The following P4HA1 variants were observed in gnomAD, a reference collection of about 807,000 sequenced individuals.
P4HA1 encodes the protein prolyl 4-hydroxylase subunit alpha 1.
Under a neutral mutation model 72.8 loss-of-function variants are expected in P4HA1, and 24 were observed. The ratio of observed to expected loss-of-function variants is 0.33; its 90% CI spans 0.24 to 0.46. The LOEUF is 0.46. Among genes scored for constraint, P4HA1 ranks in the 20% least tolerant of loss-of-function variants. The probability of loss-of-function intolerance (pLI) is 1.00; values close to 1 mark genes in which losing one functional copy is unlikely to be tolerated. For synonymous variants in P4HA1, 201 were observed against 218.8 expected (o/e 0.92, Z 0.72); for missense variants, 446 against 640.6 (o/e 0.70, Z 3.28).
At chr10:73,024,149 A>G (rs1035207805) in intron 10 of P4HA1, among the ~76,000 whole-genome samples, 2 of 152,192 alleles carry the variant, frequency 1.3e-5, no homozygotes, top group African/African-American at 2.4e-5. Flanking sequence ...TATAATAGAC[A>G]TCTACAGAAC....
In P4HA1 at chr10:73,070,731, T is replaced by C. The variant is rs777129246; in HGVS notation, c.325+1298A>G. Among the ~76,000 whole-genome samples, 6 of 152,192 alleles carry C rather than the reference T, an allele frequency of 3.9e-5. No individual in the cohort carries two copies. In the South Asian group the frequency reaches 1.0e-3, roughly 26 times the overall value. ...TTATAGAAGGCTATAATATCTCTTA[T>C]GCTACAAACAAAATTCTAAGAAAAA... On this transcript the variant is annotated intron_variant, in intron 4 of 14. Coordinates refer to ENST00000394890, the MANE Select transcript of P4HA1 (RefSeq NM_001017962.3).
In P4HA1 at chr10:73,069,168, A is replaced by G. The variant is rs181576610; in HGVS notation, c.326-185T>C. The stretch of plus-strand genomic sequence containing the variant: ...ACTTGGCATACTTCTAACTTGTTCA[A>G]TCTTCCAAAAGCCTAGTGTTGCTTA... On this transcript the variant is annotated intron_variant, in intron 4 of 14. Transcript: ENST00000394890. Among the ~76,000 whole-genome samples, 16 of 152,336 alleles carry G rather than the reference A, an allele frequency of 1.1e-4. No individual in the cohort carries two copies. The East Asian group carries it at 2.9e-3, about 28-fold the overall frequency.
At chr10:73,070,221 A>G (rs968321160) in intron 4 of P4HA1, among the ~76,000 whole-genome samples, 5 of 127,170 alleles carry the variant, frequency 3.9e-5, no homozygotes, top group African/African-American at 1.2e-4. Flanking sequence ...GCAGCAGTGC[A>G]ATCTTGGCTC....
At chr10:73,068,750 T>C in intron 5 of P4HA1, 96 bp downstream of exon 5, 1 of 1,031,212 alleles carries the variant, frequency 9.7e-7, no homozygotes, top group Non-Finnish European at 1.5e-6. Context: ...ATTTAAAATC[T>C]TAAAATGCAA....
At chr10:73,022,357 C>G (rs544508725) in intron 10 of P4HA1, among the ~76,000 whole-genome samples, 4 of 152,158 alleles carry the variant, frequency 2.6e-5, no homozygotes, top group Admixed American at 6.5e-5. Context: ...AGGCAAACAG[C>G]GTCTGGAATG....
At chr10:73,053,640 AT>A in intron 5 of P4HA1, 50 bp from the exon 6 acceptor site, 1 of 1,503,462 alleles carries the variant, frequency 6.7e-7, no homozygotes, top group Non-Finnish European at 9.0e-7. Context: ...ACTACTGTGT[AT>A]TTATTTAGGA....
chr10:73,019,681 G>A (rs1023082101), intron 10 of P4HA1, among the ~76,000 whole-genome samples: 3 of 120,670 alleles, frequency 2.5e-5, no homozygotes, highest in African/African-American at 9.4e-5. Context: ...AGTGAGCCAA[G>A]ATCTTGCCAC....
chr10:73,045,118 G>C, intron 8 of P4HA1, 67 bp from the exon 9 acceptor site: 1 of 1,303,538 alleles, frequency 7.7e-7, no homozygotes, highest in Non-Finnish European at 1.1e-6. Flanking sequence ...TACCCAACCA[G>C]TCAGAATTCC....
chr10:73,057,189 T>C (rs952255287), intron 5 of P4HA1, among the ~76,000 whole-genome samples: 1 of 151,310 alleles, frequency 6.6e-6, no homozygotes, highest in Non-Finnish European at 1.5e-5. Context: ...CATGAAATGC[T>C]AGTTAAAACA....
intron 10 of P4HA1, among the ~76,000 whole-genome samples, chr10:73,025,217 C>G (rs1041703605): frequency 6.6e-6 from 1 of 151,506 alleles, no homozygotes; most frequent in Non-Finnish European, 1.5e-5. Context: ...TGATGAACAT[C>G]GACGCAAAAA....
intron 12 of P4HA1, among the ~76,000 whole-genome samples, chr10:73,013,203 C>T (rs1403682027): frequency 5.3e-5 from 8 of 152,166 alleles, no homozygotes; most frequent in Non-Finnish European, 2.9e-5. Context: ...TTTTATGTGA[C>T]GCTGACATTC....
chr10:73,089,633 C>T (rs1427095413), intron 1 of P4HA1, among the ~76,000 whole-genome samples: 1 of 143,554 alleles, frequency 7.0e-6, no homozygotes, highest in Non-Finnish European at 1.5e-5. Flanking sequence ...AAATACTATT[C>T]AACAATAAAA....
chr10:73,031,274 A>C (rs773435289), intron 9 of P4HA1, among the ~76,000 whole-genome samples: 1 of 152,200 alleles, frequency 6.6e-6, no homozygotes, highest in Non-Finnish European at 1.5e-5. Flanking sequence ...TCTTGAGGCC[A>C]GGAGTTTGAG....
chr10:73,013,893 ATGTG>A (rs1207358590), intron 12 of P4HA1, among the ~76,000 whole-genome samples: 4 of 152,162 alleles, frequency 2.6e-5, no homozygotes, highest in African/African-American at 4.8e-5. Context: ...AATAATGTGT[ATGTG>A]TATGTATAGA....
intron 10 of P4HA1, among the ~76,000 whole-genome samples, chr10:73,028,118 T>G (rs1840334050): frequency 6.6e-6 from 1 of 152,060 alleles, no homozygotes; most frequent in South Asian, 2.1e-4. Flanking sequence ...GGGTTGCTGT[T>G]TTTCATGCCA....
Position 73,073,776 on chromosome 10 carries a change from T to C in P4HA1, c.128A>G (p.Lys43Arg). 1 of 1,591,888 alleles carries C rather than the reference T, an allele frequency of 6.3e-7. No individual in the cohort carries two copies. Among genetic ancestry groups the C allele is most frequent in the Non-Finnish European group, 8.6e-7 (1 of 1,160,184 alleles). Reference sequence around the variant, plus strand: ...GTCCTCTTCTGCCTTAATATAATCTTTCAGAGAAGTCACCAGATCTTTCTC... The same window carrying C: ...GTCCTCTTCTGCCTTAATATAATCTCTCAGAGAAGTCACCAGATCTTTCTC... The part of the protein sequence containing the change: ...HTEKDLVTSL[K>R]DYIKAEEDKL... Residue 43 changes from lysine to arginine, a missense_variant, in exon 3 of 15, where the codon AAA becomes AGA. Transcript: ENST00000394890.
chr10:73,019,559 CAAAG>C (rs943661572), intron 10 of P4HA1, among the ~76,000 whole-genome samples: 4 of 151,342 alleles, frequency 2.6e-5, no homozygotes, highest in African/African-American at 4.9e-5. Context: ...AGAATTTCAA[CAAAG>C]AAAGATATCA....
rs938582668 is a variant in P4HA1, at chr10:73,068,900, G to C, written c.409C>G (p.Leu137Val). The C allele has an allele frequency of 3.7e-6, 6 of 1,611,558 alleles. No homozygotes were observed. Among genetic ancestry groups the C allele is most frequent in the Non-Finnish European group, 5.1e-6 (6 of 1,177,822 alleles). The change falls in exon 5 of 15, where the codon CTC (leucine) becomes GTC (valine). Residue 137 changes from leucine to valine, a missense_variant. Coordinates refer to ENST00000394890, the MANE Select transcript of P4HA1 (RefSeq NM_001017962.3). ...GTATCCAAATTGTAGGTATCCTGGAGACGTAACAGAGCTTTGGCTGCCCCA... is the reference window on the plus strand; with the variant it reads ...GTATCCAAATTGTAGGTATCCTGGACACGTAACAGAGCTTTGGCTGCCCCA... ...QVGAAKALLR[L>V]QDTYNLDTDT...
At position 73,053,347 on chromosome 10, in the gene P4HA1, A is replaced by G. The variant is rs774533074; in HGVS notation, c.703+4T>C. The G allele has an allele frequency of 6.2e-7, 1 of 1,613,820 alleles. No individual in the cohort carries two copies. The highest frequency in any genetic ancestry group is 8.5e-7 in the Non-Finnish European group (1 of 1,179,814). On this transcript the variant is annotated splice_donor_region_variant and intron_variant, in intron 6 of 14. Transcript: ENST00000394890. ...TAACCTTAAATTAGGCCCAGATAACATACCTAGTTCAAGAAGCTTCTTTGT... is the reference window on the plus strand; with the variant it reads ...TAACCTTAAATTAGGCCCAGATAACGTACCTAGTTCAAGAAGCTTCTTTGT...
Sources: gnomAD v4.1 joint callset for allele counts (sites outside exome capture counted in the v4.1 genomes callset) on GRCh38, gnomAD v4.1.1 for gene constraint, MANE v1.5 for transcripts, NCBI Gene and HGNC (gene_info 2026-07-23, HGNC 2026-07-21) for gene names.